CEP112: variants seen among roughly 807,000 people sequenced by gnomAD.
CEP112 encodes the protein centrosomal protein 112.
A neutral mutation model predicts 153.0 loss-of-function variants in CEP112; 127 were observed. The ratio of observed to expected loss-of-function variants is 0.83; its 90% CI spans 0.72 to 0.96. The LOEUF (loss-of-function observed/expected upper bound fraction) is 0.96. Ranked by LOEUF, CEP112 falls within the 40% of genes least tolerant of loss-of-function variation. The pLI is 0.00. For missense variants in CEP112, 1,089 were observed against 1,101.2 expected, an observed-to-expected ratio of 0.99 and a Z score of 0.16; for synonymous variants, 358 against 374.4, an observed-to-expected ratio of 0.96 and a Z score of 0.51.
chr17:65,670,531 A>T (rs2144044039), intron 24 of CEP112, among the ~76,000 whole-genome samples: 1 of 152,302 alleles, frequency 6.6e-6, no homozygotes, highest in Admixed American at 6.5e-5. Context: ...TTCAGGCTTC[A>T]CCTTAACCCC....
chr17:66,017,831 C>T (rs2064836074), intron 16 of CEP112, among the ~76,000 whole-genome samples: 1 of 152,038 alleles, frequency 6.6e-6, no homozygotes, highest in Non-Finnish European at 1.5e-5. Flanking sequence ...AAAGCCCCGT[C>T]TCTACTAAAA....
At chr17:66,069,878 T>C in intron 9 of CEP112, 37 bp downstream of exon 9, 3 of 1,121,112 alleles carry the variant, frequency 2.7e-6, no homozygotes, top group Non-Finnish European at 4.0e-6. Context: ...ATATTTTTAG[T>C]GTTCAATATA....
At chr17:66,067,011 T>A in intron 9 of CEP112, 134 bp from the exon 10 acceptor site, 2 of 363,754 alleles carry the variant, frequency 5.5e-6, no homozygotes, top group South Asian at 4.0e-5. Flanking sequence ...CACTGTGAAA[T>A]TATAAACACA....
chr17:65,975,814 G>A (rs1356682385), intron 17 of CEP112, among the ~76,000 whole-genome samples: 1 of 152,148 alleles, frequency 6.6e-6, no homozygotes, highest in East Asian at 1.9e-4. Flanking sequence ...ACATAGCCTT[G>A]AAATGACATG....
chr17:65,901,551 G>T (rs779809574), intron 20 of CEP112, among the ~76,000 whole-genome samples: 44 of 152,236 alleles, frequency 2.9e-4, no homozygotes, highest in Middle Eastern at 3.4e-3. Flanking sequence ...ACAGCTGGGG[G>T]TTATTCTGCC....
At position 65,685,667 on chromosome 17, in the gene CEP112, A is replaced by ATTTTTT. The variant is rs556118592; in HGVS notation, c.2697+3456_2697+3461dup. ...AAAAGTGTCTGTGACAATAGTTCTA[A>ATTTTTT]TTTTTTTTTTTTTTTTTTTTTTTGA... On this transcript the variant is annotated intron_variant, in intron 24 of 26. Coordinates refer to ENST00000535342, the MANE Select transcript of CEP112 (RefSeq NM_001199165.4). Among the ~76,000 whole-genome samples, 67 of 105,274 alleles carry ATTTTTT rather than the reference A, an allele frequency of 6.4e-4. 1 individual carries two copies. Among genetic ancestry groups the ATTTTTT allele is most frequent in the African/African-American group, 1.7e-3 (46 of 26,396 alleles). The allele number at this position is 105,274 out of a possible 152,430, so 69.1% of individuals were successfully genotyped here. A position where few individuals can be genotyped will look rare whatever the true frequency, so the allele number is the denominator to read the frequency against.
intron 11 of CEP112, among the ~76,000 whole-genome samples, chr17:66,059,487 G>A (rs911180654): frequency 2.0e-5 from 3 of 152,056 alleles, no homozygotes; most frequent in Non-Finnish European, 4.4e-5. Flanking sequence ...AGTGGGCAAA[G>A]GACATGAACA....
intron 23 of CEP112, among the ~76,000 whole-genome samples, chr17:65,692,507 G>T (rs117409536): frequency 6.6e-6 from 1 of 152,104 alleles, no homozygotes; most frequent in Non-Finnish European, 1.5e-5. Context: ...GATCACAGGC[G>T]TGAGTCACCA....
intron 21 of CEP112, among the ~76,000 whole-genome samples, chr17:65,762,615 T>C (rs2052678169): frequency 6.6e-6 from 1 of 151,924 alleles, no homozygotes; most frequent in African/African-American, 2.4e-5. Flanking sequence ...CTGGTTGCCC[T>C]AGAGTTTATA....
intron 6 of CEP112, among the ~76,000 whole-genome samples, chr17:66,099,932 T>C (rs2068498234): frequency 6.6e-6 from 1 of 152,124 alleles, no homozygotes; most frequent in African/African-American, 2.4e-5. Flanking sequence ...CTTAATAATA[T>C]TTTTGTTCCA....
intron 1 of CEP112, among the ~76,000 whole-genome samples, chr17:66,186,242 ATCT>A (rs1261149748): frequency 6.6e-6 from 1 of 152,044 alleles, no homozygotes; most frequent in Non-Finnish European, 1.5e-5. Context: ...CATCTCTGTC[ATCT>A]TGCAAAGAAA....
intron 22 of CEP112, among the ~76,000 whole-genome samples, chr17:65,750,194 G>A (rs1598464124): frequency 6.6e-6 from 1 of 152,186 alleles, no homozygotes; most frequent in Admixed American, 6.5e-5. Context: ...CCTAAAAAGA[G>A]TCAACAGTTG....
chr17:66,080,632 T>C (rs12945687), intron 8 of CEP112, among the ~76,000 whole-genome samples: 51,503 of 152,044 alleles, frequency 0.34, 10,169 homozygotes, highest in Non-Finnish European at 0.45. Flanking sequence ...GAACCAGAAA[T>C]ACCATTTGAC....
intron 17 of CEP112, among the ~76,000 whole-genome samples, chr17:65,992,855 T>C (rs1179788280): frequency 6.6e-6 from 1 of 152,226 alleles, no homozygotes; most frequent in Non-Finnish European, 1.5e-5. Flanking sequence ...GCTCTCCCTG[T>C]CTACCAAAAT....
At chr17:66,072,743 AAAGTT>A (rs1238031396) in intron 8 of CEP112, among the ~76,000 whole-genome samples, 2 of 152,184 alleles carry the variant, frequency 1.3e-5, no homozygotes, top group South Asian at 2.1e-4. Flanking sequence ...ATCCTTTTAA[AAAGTT>A]AAGAGTATCT....
chr17:65,972,872 T>C (rs1407582554), intron 17 of CEP112, among the ~76,000 whole-genome samples: 1 of 152,238 alleles, frequency 6.6e-6, no homozygotes, highest in Non-Finnish European at 1.5e-5. Flanking sequence ...TTCAAGTGAT[T>C]CTCATGCCTC....
intron 23 of CEP112, among the ~76,000 whole-genome samples, chr17:65,705,894 G>T (rs1444327271): frequency 1.3e-5 from 2 of 152,102 alleles, no homozygotes; most frequent in Non-Finnish European, 2.9e-5. Context: ...GTATGACAAT[G>T]GCACTGTGTC....
intron 6 of CEP112, among the ~76,000 whole-genome samples, chr17:66,127,984 A>G (rs1343433096): frequency 6.6e-6 from 1 of 151,954 alleles, no homozygotes. Context: ...CCCAGCAATC[A>G]TACTAACATG....
intron 18 of CEP112, among the ~76,000 whole-genome samples, chr17:65,958,740 T>C (rs2062089287): frequency 6.6e-6 from 1 of 152,098 alleles, no homozygotes; most frequent in South Asian, 2.1e-4. Context: ...GACAGACTCC[T>C]GCTCATAAGG....
Sources: gnomAD v4.1 joint callset for allele counts (sites outside exome capture counted in the v4.1 genomes callset) on GRCh38, gnomAD v4.1.1 for gene constraint, MANE v1.5 for transcripts, NCBI Gene and HGNC (gene_info 2026-07-23, HGNC 2026-07-21) for gene names.